Variants in SP100 observed in about 807,000 individuals in gnomAD.
SP100 encodes SP100 nuclear body protein.
In SP100, 84 loss-of-function variants were observed where a neutral mutation model predicts 130.0. The observed-to-expected ratio is 0.65, with a 90% CI of 0.54 to 0.77. SP100 has a LOEUF of 0.77. Among genes scored for constraint, SP100 ranks in the 30% least tolerant of loss-of-function variants. SP100 has a pLI of 0.00. For missense variants in SP100, 978 were observed against 1,052.2 expected, an observed-to-expected ratio of 0.93 and a Z score of 0.97; for synonymous variants, 331 against 351.7, an observed-to-expected ratio of 0.94 and a Z score of 0.66.
chr2:230,529,207 C>T (rs1271668698), intron 24 of SP100, among the ~76,000 whole-genome samples: 1 of 152,208 alleles, frequency 6.6e-6, no homozygotes, highest in Non-Finnish European at 1.5e-5. Context: ...AATCCAGCAA[C>T]ACATCCAAAA....
intron 3 of SP100, among the ~76,000 whole-genome samples, chr2:230,443,551 G>A (rs890050922): frequency 6.6e-6 from 1 of 152,186 alleles, no homozygotes; most frequent in Non-Finnish European, 1.5e-5. Flanking sequence ...AAAACCCACA[G>A]GGAATTGATG....
In SP100 at chr2:230,520,689, T is replaced by C. The variant is rs535981123; in HGVS notation, c.2094+9523T>C. Reference sequence around the variant, plus strand: ...AAAATTTAGCCTGTTGAGAAATAAATAATTTGATAACAGTTTATTGAAAGC... The same window carrying C: ...AAAATTTAGCCTGTTGAGAAATAAACAATTTGATAACAGTTTATTGAAAGC... On this transcript the variant is annotated intron_variant, in intron 24 of 28. Coordinates refer to ENST00000340126, the MANE Select transcript of SP100 (RefSeq NM_001080391.2). The C allele has an allele frequency of 3.3e-5, 5 of 152,306 alleles. No individual in the cohort carries two copies. The South Asian group carries it at 1.0e-3, about 32-fold the overall frequency. The allele number at this position is 152,306 out of a possible 1,614,324, so 9.4% of individuals were successfully genotyped here. A position where few individuals can be genotyped will look rare whatever the true frequency, so the allele number is the denominator to read the frequency against.
intron 17 of SP100, among the ~76,000 whole-genome samples, chr2:230,492,564 C>T (rs190417175): frequency 6.6e-6 from 1 of 152,180 alleles, no homozygotes; most frequent in Non-Finnish European, 1.5e-5. Context: ...CCTATGCTTC[C>T]CAAAGTGCTG....
chr2:230,444,853 G>A (rs1171496534), intron 4 of SP100, among the ~76,000 whole-genome samples: 1 of 152,126 alleles, frequency 6.6e-6, no homozygotes, highest in Non-Finnish European at 1.5e-5. Context: ...ATCAATTGAA[G>A]GAAGACCACA....
At chr2:230,487,486 A>G (rs6744270) in intron 17 of SP100, among the ~76,000 whole-genome samples, 37,177 of 152,020 alleles carry the variant, frequency 0.24, 6,382 homozygotes, top group African/African-American at 0.49. Flanking sequence ...GGTTGCAGAT[A>G]TGCGGTGTTA....
intron 24 of SP100, chr2:230,537,988 G>T (rs1337031329): frequency 6.6e-6 from 1 of 152,332 alleles, no homozygotes; most frequent in Non-Finnish European, 1.5e-5. Context: ...TCCAGGTGCT[G>T]CTGCTGCTGG....
chr2:230,483,389 T>C (rs899399914), intron 17 of SP100, among the ~76,000 whole-genome samples: 1 of 152,172 alleles, frequency 6.6e-6, no homozygotes, highest in African/African-American at 2.4e-5. Flanking sequence ...TACATGGTCC[T>C]TTAGGCAACG....
intron 2 of SP100, among the ~76,000 whole-genome samples, chr2:230,428,779 A>G (rs1014035474): frequency 2.0e-5 from 3 of 152,090 alleles, no homozygotes; most frequent in African/African-American, 7.2e-5. Context: ...ATCTCATAAG[A>G]ACTCACTGTC....
intron 24 of SP100, among the ~76,000 whole-genome samples, chr2:230,519,541 C>T (rs1691073963): frequency 6.6e-6 from 1 of 151,746 alleles, no homozygotes. Flanking sequence ...AGATGGGAGC[C>T]AAGAGAACAA....
chr2:230,449,113 C>G lies in SP100; in HGVS notation c.549C>G (p.Ser183Arg), dbSNP rs754150273. The change falls in exon 6 of 29, where the codon AGC (serine) becomes AGG (arginine). Residue 183 changes from serine (S) to arginine (R), a missense_variant. Physicochemically the swap from Ser to Arg is moderately radical, Grantham distance 110 (BLOSUM62 -1). Transcript: ENST00000340126. ...GAACTGGTGAAAACTCTTTTCGAAG[C>G]CTGACTTGGCCACCTTCGGGTTCCC... ...EQGTGENSFR[S>R]LTWPPSGSPS... 3.9e-5 allele frequency: 63 copies of G among 1,611,982 alleles called. No homozygotes were observed. The highest frequency in any genetic ancestry group is 5.1e-5 in the Non-Finnish European group (60 of 1,178,114).
intron 24 of SP100, among the ~76,000 whole-genome samples, chr2:230,532,411 T>C (rs977542038): frequency 1.3e-5 from 2 of 152,112 alleles, no homozygotes; most frequent in Non-Finnish European, 2.9e-5. Flanking sequence ...GGTACAAAGT[T>C]TTAATGTTCA....
intron 2 of SP100, among the ~76,000 whole-genome samples, chr2:230,418,054 C>T (rs2062662665): frequency 6.6e-6 from 1 of 152,148 alleles, no homozygotes. Context: ...GTTAAGGTGG[C>T]AGATTCGCTG....
At chr2:230,453,883 T>G (rs574088860) in intron 8 of SP100, among the ~76,000 whole-genome samples, 1 of 152,338 alleles carries the variant, frequency 6.6e-6, no homozygotes, top group African/African-American at 2.4e-5. Flanking sequence ...TATTTGTTCC[T>G]TAAATATTTG....
rs910048707 is a variant in SP100 at position 230,449,725 on chromosome 2, G to T, written c.736+15G>T. 1 of 1,613,960 alleles carries T rather than the reference G, an allele frequency of 6.2e-7. No homozygotes were observed. Among genetic ancestry groups the T allele is most frequent in the South Asian group, 1.1e-5 (1 of 91,046 alleles). ...TGAGCCAACAGGTAAGACTGACTGG[G>T]TTGGCATGAATGGGGAGGAGCCAAG... On this transcript the variant is annotated intron_variant, in intron 7 of 28. Coordinates refer to ENST00000340126, the MANE Select transcript of SP100 (RefSeq NM_001080391.2).
intron 24 of SP100, among the ~76,000 whole-genome samples, chr2:230,533,586 T>C (rs1691802266): frequency 6.6e-6 from 1 of 152,222 alleles, no homozygotes. Context: ...AAGCCTCATC[T>C]TCAGACCTGG....
At chr2:230,460,445 G>A (rs906036680) in intron 8 of SP100, among the ~76,000 whole-genome samples, 1 of 152,078 alleles carries the variant, frequency 6.6e-6, no homozygotes, top group Non-Finnish European at 1.5e-5. Context: ...GGAGAGAAAA[G>A]AGATTATTCC....
chr2:230,497,879 T>C (rs1371561392), intron 18 of SP100, among the ~76,000 whole-genome samples: 2 of 152,182 alleles, frequency 1.3e-5, no homozygotes, highest in Admixed American at 6.5e-5. Flanking sequence ...TCATTTTCAC[T>C]GTATTTTCAG....
At chr2:230,508,072 T>A in intron 23 of SP100, 41 bp downstream of exon 23, 1 of 1,609,660 alleles carries the variant, frequency 6.2e-7, no homozygotes, top group Non-Finnish European at 8.5e-7. Context: ...TCGTCTATTA[T>A]GTTGTTGATT....
chr2:230,513,279 T>G (rs904503167), intron 24 of SP100, among the ~76,000 whole-genome samples: 4 of 152,156 alleles, frequency 2.6e-5, no homozygotes, highest in African/African-American at 9.7e-5. Context: ...CTCAAATGTA[T>G]CCATGCAAGA....
Sources: gnomAD v4.1 joint callset for allele counts (sites outside exome capture counted in the v4.1 genomes callset) on GRCh38, gnomAD v4.1.1 for gene constraint, MANE v1.5 for transcripts, NCBI Gene and HGNC (gene_info 2026-07-23, HGNC 2026-07-21) for gene names.